BRAP: variants seen among roughly 807,000 people sequenced by gnomAD.
BRAP encodes BRCA1 associated protein, also known as BRCA1-associated protein.
BRAP carries 42 observed loss-of-function variants against 73.4 expected under a neutral mutation model. The ratio of observed to expected loss-of-function variants is 0.57; its 90% CI spans 0.45 to 0.74. The LOEUF is 0.74. Among genes scored for constraint, BRAP ranks in the 30% least tolerant of loss-of-function variants. The pLI is 0.00. For synonymous variants in BRAP, 255 were observed against 267.4 expected, an observed-to-expected ratio of 0.95 and a Z score of 0.45; for missense variants, 593 against 751.4, an observed-to-expected ratio of 0.79 and a Z score of 2.46.
At chr12:111,658,889 G>A (rs780801207) in intron 8 of BRAP, 44 bp from the exon 9 acceptor site, 1 of 1,488,288 alleles carries the variant, frequency 6.7e-7, no homozygotes, top group South Asian at 1.2e-5. Context: ...AGAATGAAAA[G>A]GGTCTCTGTA....
Position 111,660,638 on chromosome 12 carries a change from C to T in BRAP, c.934G>A (p.Val312Ile). The change falls in exon 7 of 12, where the codon GTA becomes ATA. Residue 312 changes from valine (V) to isoleucine (I), a missense_variant. This residue lies in a region of BRAP where 67 missense variants were observed against 158.0 expected (regional missense o/e 0.42). Transcript: ENST00000419234. ...VCRYCQTPEPVEENKCFECGV... is the reference protein window; with the variant it reads ...VCRYCQTPEPIEENKCFECGV... Reference sequence around the variant, plus strand: ...CACTCAAAACACTTATTTTCTTCTACTGGCTCGGGCGTTTGACAGTACCGG... The same window carrying T: ...CACTCAAAACACTTATTTTCTTCTATTGGCTCGGGCGTTTGACAGTACCGG... 6.2e-7 allele frequency: 1 copy of T among 1,607,994 alleles called. No homozygotes were observed. Among genetic ancestry groups the T allele is most frequent in the Non-Finnish European group, 8.5e-7 (1 of 1,176,854 alleles).
Position 111,658,857 on chromosome 12 carries a change from G to C in BRAP, c.1112-12C>G. 1 of 1,577,690 alleles carries C rather than the reference G, an allele frequency of 6.3e-7. No individual in the cohort carries two copies. Among genetic ancestry groups the C allele is most frequent in the Non-Finnish European group, 8.7e-7 (1 of 1,149,810 alleles). ...ATGAACATAGTTATCTACAGAAAGAGTCAACAAAAGTGTGTTTCTTTAGAA... is the reference window on the plus strand; with the variant it reads ...ATGAACATAGTTATCTACAGAAAGACTCAACAAAAGTGTGTTTCTTTAGAA... On this transcript the variant is annotated splice_polypyrimidine_tract_variant and intron_variant, in intron 8 of 11. Coordinates refer to ENST00000419234, the MANE Select transcript of BRAP (RefSeq NM_006768.5).
chr12:111,663,458 A>G (rs1481980257), intron 6 of BRAP, among the ~76,000 whole-genome samples: 1 of 152,142 alleles, frequency 6.6e-6, no homozygotes, highest in African/African-American at 2.4e-5. Flanking sequence ...ATCTCAAAAA[A>G]TAATAATAAT....
At chr12:111,655,071 TC>T (rs1432918422) in intron 10 of BRAP, among the ~76,000 whole-genome samples, 2 of 152,162 alleles carry the variant, frequency 1.3e-5, no homozygotes, top group Non-Finnish European at 2.9e-5. Flanking sequence ...GTGAATGGCA[TC>T]TTTTTTAAAG....
At chr12:111,668,211 G>A (rs1306732115) in intron 5 of BRAP, among the ~76,000 whole-genome samples, 5 of 152,004 alleles carry the variant, frequency 3.3e-5, no homozygotes, top group Non-Finnish European at 7.4e-5. Context: ...CGTCTGGGTC[G>A]GGGCGGGGTG....
At chr12:111,680,891 C>G (rs188281537) in intron 3 of BRAP, among the ~76,000 whole-genome samples, 28 of 152,074 alleles carry the variant, frequency 1.8e-4, no homozygotes, top group Admixed American at 1.2e-3. Flanking sequence ...CCTTGGGGCT[C>G]TAGCAAGCTT....
At position 111,665,886 on chromosome 12, in the gene BRAP, A is replaced by C. The variant is rs969611852; in HGVS notation, c.748-99T>G. ...GACAGGGTCTCGCTCTCTGTCACCCACGCTGGAGCCCAGTGGCGCAATCAT... is the reference window on the plus strand; with the variant it reads ...GACAGGGTCTCGCTCTCTGTCACCCCCGCTGGAGCCCAGTGGCGCAATCAT... On this transcript the variant is annotated intron_variant, in intron 5 of 11. Coordinates refer to ENST00000419234, the MANE Select transcript of BRAP (RefSeq NM_006768.5). The surrounding 1 kb of genome is among the most constrained non-coding windows in gnomAD (Gnocchi z 4.3). 6.7e-7 allele frequency: 1 copy of C among 1,493,478 alleles called. No individual in the cohort carries two copies. Among genetic ancestry groups the C allele is most frequent in the Non-Finnish European group, 9.1e-7 (1 of 1,099,158 alleles). 92.5% of individuals were successfully genotyped at this position (1,493,478 alleles called of 1,614,324 possible).
At chr12:111,681,862 T>C (rs749568792) in intron 2 of BRAP, 27 bp from the exon 3 acceptor site, 43 of 1,580,658 alleles carry the variant, frequency 2.7e-5, no homozygotes, top group Non-Finnish European at 3.3e-5. Context: ...AATAGCAGAT[T>C]ATAAATGGAT....
At chr12:111,652,414 G>A (rs1327533652) in intron 10 of BRAP, among the ~76,000 whole-genome samples, 6 of 152,008 alleles carry the variant, frequency 3.9e-5, no homozygotes, top group Admixed American at 1.3e-4. Context: ...TAGTACAGAC[G>A]GGGTTTCTCT....
chr12:111,683,136 G>A lies in BRAP; in HGVS notation c.244+10C>T, dbSNP rs1241420454. The A allele has an allele frequency of 6.2e-7, 1 of 1,611,158 alleles. No individual in the cohort carries two copies. ...TTACAAAAGAGAGTCCAGGGTTTTA[G>A]AAAGCATACCTGGGTTGGACTTCAT... is the stretch of plus-strand genomic sequence containing the variant. On this transcript the variant is annotated intron_variant, in intron 2 of 11. Coordinates refer to ENST00000419234, the MANE Select transcript of BRAP (RefSeq NM_006768.5).
At chr12:111,645,972 A>G (rs1053404189) in intron 11 of BRAP, among the ~76,000 whole-genome samples, 1 of 152,162 alleles carries the variant, frequency 6.6e-6, no homozygotes, top group African/African-American at 2.4e-5. Context: ...CCTGAGTGAC[A>G]GAACGAGATC....
intron 11 of BRAP, among the ~76,000 whole-genome samples, chr12:111,648,230 G>A (rs1055484730): frequency 3.3e-5 from 5 of 149,994 alleles, no homozygotes; most frequent in Non-Finnish European, 5.9e-5. Context: ...TCCGGGAGGC[G>A]GAGGTTGCAG....
At chr12:111,674,498 C>G (rs965429832) in intron 4 of BRAP, among the ~76,000 whole-genome samples, 1 of 152,228 alleles carries the variant, frequency 6.6e-6, no homozygotes, top group Non-Finnish European at 1.5e-5. Flanking sequence ...CCACCTCGGT[C>G]TCCCAAAGTG....
intron 7 of BRAP, 80 bp from the exon 8 acceptor site, chr12:111,659,425 A>G (rs1280665977): frequency 7.2e-7 from 1 of 1,385,098 alleles, no homozygotes. Flanking sequence ...AGGCCGAGGC[A>G]GATGGATCAC....
At chr12:111,669,173 G>A (rs1887073155) in intron 5 of BRAP, among the ~76,000 whole-genome samples, 1 of 152,060 alleles carries the variant, frequency 6.6e-6, no homozygotes, top group African/African-American at 2.4e-5. Flanking sequence ...AGGTAATAAG[G>A]GAGTTAAGAG....
intron 10 of BRAP, among the ~76,000 whole-genome samples, chr12:111,651,196 T>G (rs373170020): frequency 1.4e-5 from 2 of 147,170 alleles, no homozygotes; most frequent in African/African-American, 5.4e-5. Flanking sequence ...CCATACAGCC[T>G]GCCTAGCAAG....
chr12:111,661,281 T>G (rs1886742919), intron 6 of BRAP, among the ~76,000 whole-genome samples: 1 of 146,582 alleles, frequency 6.8e-6, no homozygotes, highest in African/African-American at 2.5e-5. Context: ...CCCAGCTTGT[T>G]TTTTTTTTTT....
At chr12:111,676,127 C>G (rs186817481) in intron 4 of BRAP, among the ~76,000 whole-genome samples, 1 of 151,906 alleles carries the variant, frequency 6.6e-6, no homozygotes, top group East Asian at 1.9e-4. Flanking sequence ...ATACTCCTGT[C>G]TTGGCCTCCC....
At chr12:111,679,379 G>C in intron 3 of BRAP, 39 bp from the exon 4 acceptor site, 4 of 1,382,736 alleles carry the variant, frequency 2.9e-6, no homozygotes, top group Non-Finnish European at 3.8e-6. Flanking sequence ...AATAGATGAG[G>C]TATGGTTAGT....
Sources: gnomAD v4.1 joint callset for allele counts (sites outside exome capture counted in the v4.1 genomes callset) on GRCh38, gnomAD v4.1.1 for gene constraint, gnomAD v4.1.1 regional missense constraint, Gnocchi (gnomAD v3.1) non-coding constraint, MANE v1.5 for transcripts, NCBI Gene and HGNC (gene_info 2026-07-23, HGNC 2026-07-21) for gene names.